The following SSH2 variants were observed in gnomAD, a reference collection of about 807,000 sequenced individuals.
SSH2 encodes protein phosphatase Slingshot homolog 2.
Under a neutral mutation model 135.2 loss-of-function variants are expected in SSH2, and 37 were observed. That is an observed-to-expected ratio of 0.27 (90% confidence interval 0.21 to 0.36). SSH2 has a LOEUF of 0.36. SSH2 is among the 10% of genes least tolerant of loss of function. SSH2 has a pLI of 1.00. For synonymous variants in SSH2, 628 were observed against 646.2 expected (o/e 0.97, Z 0.43); for missense variants, 1,408 against 1,765.3 (o/e 0.80, Z 3.63).
chr17:29,666,621 TG>T, intron 11 of SSH2, among the ~76,000 whole-genome samples: 1 of 152,200 alleles, frequency 6.6e-6, no homozygotes, highest in Non-Finnish European at 1.5e-5. Flanking sequence ...AGGCAGAGAT[TG>T]TAGTGAGACG....
intron 3 of SSH2, among the ~76,000 whole-genome samples, chr17:29,757,429 A>C (rs2151245623): frequency 6.6e-6 from 1 of 152,246 alleles, no homozygotes; most frequent in Admixed American, 6.5e-5. Context: ...CTAACAGTGG[A>C]TATATTTAAG....
At chr17:29,679,551 C>T (rs2037880069) in intron 6 of SSH2, among the ~76,000 whole-genome samples, 1 of 152,046 alleles carries the variant, frequency 6.6e-6, no homozygotes, top group Non-Finnish European at 1.5e-5. Context: ...GGATTACAGG[C>T]ATGCACTACC....
At chr17:29,699,162 C>G (rs1392604428) in intron 4 of SSH2, among the ~76,000 whole-genome samples, 1 of 152,200 alleles carries the variant, frequency 6.6e-6, no homozygotes, top group Non-Finnish European at 1.5e-5. Context: ...CTACCATATA[C>G]TTCATTTCTA....
At chr17:29,734,990 T>C (rs531555669) in intron 3 of SSH2, among the ~76,000 whole-genome samples, 33 of 152,188 alleles carry the variant, frequency 2.2e-4, no homozygotes, top group South Asian at 4.1e-4. Context: ...CTAAATCAAA[T>C]ACCTAAAGCA....
rs932850214 is a variant in SSH2, at chr17:29,649,635, C to T, written c.1226+1019G>A. Among the ~76,000 whole-genome samples, 48 of 152,138 alleles carry T rather than the reference C, an allele frequency of 3.2e-4. 1 individual carries two copies. Among genetic ancestry groups the T allele is most frequent in the African/African-American group, 1.1e-3 (47 of 41,420 alleles). On this transcript the variant is annotated intron_variant, in intron 13 of 15. Coordinates refer to ENST00000540801, the MANE Select transcript of SSH2 (RefSeq NM_001282129.2). ...TCCTGGGCTCGAGTGATCCTCCCGTCTCAGCAAGATCTTTGTTCAAGTCCT... is the reference window on the plus strand; with the variant it reads ...TCCTGGGCTCGAGTGATCCTCCCGTTTCAGCAAGATCTTTGTTCAAGTCCT...
intron 3 of SSH2, among the ~76,000 whole-genome samples, chr17:29,706,021 T>G (rs1364792667): frequency 6.6e-6 from 1 of 152,186 alleles, no homozygotes; most frequent in South Asian, 2.1e-4. Flanking sequence ...GCACTGGAAA[T>G]AGTCTAAGGC....
chr17:29,699,820 A>G (rs2038905362), intron 4 of SSH2, among the ~76,000 whole-genome samples: 1 of 152,076 alleles, frequency 6.6e-6, no homozygotes, highest in East Asian at 1.9e-4. Context: ...TGCACATTCA[A>G]GTTTTTTGGG....
At chr17:29,879,353 C>T (rs1281453092) in intron 1 of SSH2, among the ~76,000 whole-genome samples, 2 of 149,774 alleles carry the variant, frequency 1.3e-5, no homozygotes, top group Non-Finnish European at 3.0e-5. Context: ...TTCCACTTCT[C>T]AGGAACAGTG....
At chr17:29,704,704 T>TAA (rs773267123) in intron 3 of SSH2, among the ~76,000 whole-genome samples, 30 of 98,154 alleles carry the variant, frequency 3.1e-4, no homozygotes, top group African/African-American at 9.4e-4. Flanking sequence ...CTCTGTCTCT[T>TAA]AAAAAAAAAA....
intron 3 of SSH2, among the ~76,000 whole-genome samples, chr17:29,705,267 T>C (rs2039152089): frequency 6.6e-6 from 1 of 152,202 alleles, no homozygotes; most frequent in African/African-American, 2.4e-5. Context: ...TGGACCACTA[T>C]TTAAAAAGTT....
At chr17:29,917,315 T>C (rs1295365712) in intron 1 of SSH2, among the ~76,000 whole-genome samples, 1 of 152,252 alleles carries the variant, frequency 6.6e-6, no homozygotes, top group East Asian at 1.9e-4. Context: ...TTCCATCTTT[T>C]CCAATTTAGT....
intron 1 of SSH2, among the ~76,000 whole-genome samples, chr17:29,873,784 G>T (rs2065979463): frequency 6.6e-6 from 1 of 152,114 alleles, no homozygotes. Flanking sequence ...TTTCCATTCT[G>T]TTTTTAGAAG....
chr17:29,711,775 G>A (rs995475298), intron 3 of SSH2, among the ~76,000 whole-genome samples: 1 of 152,116 alleles, frequency 6.6e-6, no homozygotes, highest in Non-Finnish European at 1.5e-5. Flanking sequence ...TCTCCCCTGG[G>A]ACCATACCCC....
intron 6 of SSH2, among the ~76,000 whole-genome samples, chr17:29,679,288 T>C (rs1023837261): frequency 6.6e-6 from 1 of 152,156 alleles, no homozygotes; most frequent in African/African-American, 2.4e-5. Flanking sequence ...GGCATAACCA[T>C]ACTGTGGAAA....
intron 3 of SSH2, among the ~76,000 whole-genome samples, chr17:29,779,053 T>A (rs1171210305): frequency 6.6e-6 from 1 of 152,018 alleles, no homozygotes; most frequent in African/African-American, 2.4e-5. Context: ...GGGGGAAAAG[T>A]AAAATTATTT....
At chr17:29,889,381 G>A (rs1422223586) in intron 1 of SSH2, among the ~76,000 whole-genome samples, 1 of 152,164 alleles carries the variant, frequency 6.6e-6, no homozygotes. Flanking sequence ...GGGAGGCAGA[G>A]GTTGCAGTGA....
At chr17:29,797,117 C>A (rs887694202) in intron 2 of SSH2, among the ~76,000 whole-genome samples, 6 of 142,194 alleles carry the variant, frequency 4.2e-5, no homozygotes, top group Non-Finnish European at 9.4e-5. Context: ...AGCCACCACA[C>A]CTGGCCAGTT....
At chr17:29,766,095 T>TATC (rs55885465) in intron 3 of SSH2, among the ~76,000 whole-genome samples, 9 of 149,940 alleles carry the variant, frequency 6.0e-5, no homozygotes, top group East Asian at 1.9e-4. Context: ...TTATTATTAT[T>TATC]ATCATCATCA....
At chr17:29,748,031 A>G (rs1420243198) in intron 3 of SSH2, among the ~76,000 whole-genome samples, 1 of 152,242 alleles carries the variant, frequency 6.6e-6, no homozygotes, top group Non-Finnish European at 1.5e-5. Context: ...TTTAGAAAAA[A>G]AAAGAAATCC....
Sources: gnomAD v4.1 joint callset for allele counts (sites outside exome capture counted in the v4.1 genomes callset) on GRCh38, gnomAD v4.1.1 for gene constraint, MANE v1.5 for transcripts, NCBI Gene and HGNC (gene_info 2026-07-23, HGNC 2026-07-21) for gene names.